The following DAB1 variants were observed in gnomAD, a reference collection of about 807,000 sequenced individuals.
DAB1 encodes the protein DAB adaptor protein 1.
In DAB1, 15 loss-of-function variants were observed where a neutral mutation model predicts 64.6. The observed-to-expected ratio is 0.23, with a 90% CI of 0.16 to 0.36. DAB1 has a LOEUF of 0.36. Among genes scored for constraint, DAB1 ranks in the 10% least tolerant of loss-of-function variants. The probability of loss-of-function intolerance (pLI) is 1.00; values close to 1 mark genes in which losing one functional copy is unlikely to be tolerated. For missense variants in DAB1, 596 were observed against 706.7 expected (o/e 0.84, Z 1.78); for synonymous variants, 235 against 251.9 (o/e 0.93, Z 0.64).
intron 5 of DAB1, among the ~76,000 whole-genome samples, chr1:57,919,871 G>A (rs757675107): frequency 2.6e-5 from 4 of 152,186 alleles, no homozygotes; most frequent in Admixed American, 1.3e-4. Flanking sequence ...ATGTGTGCAC[G>A]TGTGTGTACT....
At chr1:57,706,759 T>C (rs1056560273) in intron 6 of DAB1, among the ~76,000 whole-genome samples, 4 of 152,214 alleles carry the variant, frequency 2.6e-5, no homozygotes, top group African/African-American at 9.6e-5. Context: ...TGTGAATTCA[T>C]GTATTAACCA....
intron 7 of DAB1, among the ~76,000 whole-genome samples, chr1:57,540,631 A>T (rs1017899239): frequency 3.3e-5 from 5 of 152,322 alleles, no homozygotes; most frequent in African/African-American, 1.2e-4. Context: ...AAAGAATAAA[A>T]TCCTGTCATT....
intron 3 of DAB1, among the ~76,000 whole-genome samples, chr1:58,425,460 A>G (rs1031278110): frequency 6.6e-6 from 1 of 152,204 alleles, no homozygotes; most frequent in Non-Finnish European, 1.5e-5. Flanking sequence ...ATTCTGCCGT[A>G]GAGTTTTATG....
chr1:58,274,927 C>T, intron 4 of DAB1, among the ~76,000 whole-genome samples: 1 of 149,736 alleles, frequency 6.7e-6, no homozygotes, highest in Non-Finnish European at 1.5e-5. Context: ...GTGAGAGAAA[C>T]CCGGTACCTC....
At chr1:57,117,474 G>A (rs544811313) in intron 4 of DAB1, among the ~76,000 whole-genome samples, 7 of 152,318 alleles carry the variant, frequency 4.6e-5, no homozygotes, top group Admixed American at 2.0e-4. Context: ...GTGAGCTATG[G>A]AGCCCTCCTA....
intron 3 of DAB1, among the ~76,000 whole-genome samples, chr1:58,423,267 A>C (rs1460494458): frequency 6.6e-6 from 1 of 152,222 alleles, no homozygotes; most frequent in East Asian, 1.9e-4. Context: ...TCCCAGTCTT[A>C]GACCTCCAGA....
At chr1:58,436,609 A>T (rs1384383352) in intron 3 of DAB1, among the ~76,000 whole-genome samples, 1 of 152,240 alleles carries the variant, frequency 6.6e-6, no homozygotes, top group Non-Finnish European at 1.5e-5. Flanking sequence ...TTACAAAAAC[A>T]AGTCGTTAAC....
At chr1:58,346,093 G>C (rs1643994524) in intron 3 of DAB1, among the ~76,000 whole-genome samples, 1 of 152,186 alleles carries the variant, frequency 6.6e-6, no homozygotes, top group Non-Finnish European at 1.5e-5. Context: ...GCACTTACTA[G>C]GTGAAACGGA....
At chr1:57,437,035 CA>C (rs66682648) in intron 7 of DAB1, among the ~76,000 whole-genome samples, 13 of 108,840 alleles carry the variant, frequency 1.2e-4, no homozygotes, top group Admixed American at 2.2e-4. Context: ...GACTCCGTCT[CA>C]AAAAAAAAAA....
intron 2 of DAB1, among the ~76,000 whole-genome samples, chr1:57,225,721 G>A (rs1253734802): frequency 6.6e-6 from 1 of 152,178 alleles, no homozygotes; most frequent in Non-Finnish European, 1.5e-5. Context: ...CTAATTGATA[G>A]TTAATTCAAG....
At chr1:58,349,555 C>G (rs931611868) in intron 3 of DAB1, among the ~76,000 whole-genome samples, 1 of 151,882 alleles carries the variant, frequency 6.6e-6, no homozygotes, top group Non-Finnish European at 1.5e-5. Context: ...GTTTGCTGCA[C>G]CCATAAACCC....
intron 4 of DAB1, among the ~76,000 whole-genome samples, chr1:58,170,111 A>G (rs1340109851): frequency 6.6e-6 from 1 of 152,196 alleles, no homozygotes; most frequent in Non-Finnish European, 1.5e-5. Context: ...CAAGTAAATG[A>G]TAGAATCACA....
At chr1:57,027,973 C>A (rs2100405856) in intron 9 of DAB1, among the ~76,000 whole-genome samples, 1 of 152,302 alleles carries the variant, frequency 6.6e-6, no homozygotes, top group East Asian at 1.9e-4. Context: ...AGAGAGTTTA[C>A]AGACTGGTGG....
At chr1:57,616,498 A>T (rs12411177) in intron 7 of DAB1, among the ~76,000 whole-genome samples, 28,142 of 152,074 alleles carry the variant, frequency 0.19, 2,662 homozygotes, top group South Asian at 0.29. Flanking sequence ...TGAATGAAAG[A>T]CTATTTAACA....
At chr1:58,131,415 A>T (rs1653561547) in intron 5 of DAB1, among the ~76,000 whole-genome samples, 2 of 144,932 alleles carry the variant, frequency 1.4e-5, no homozygotes, top group South Asian at 4.7e-4. Flanking sequence ...GTCCTCCCAT[A>T]GCTCAGAGTA....
chr1:57,213,494 A>T (rs184060804), intron 2 of DAB1, among the ~76,000 whole-genome samples: 3 of 152,092 alleles, frequency 2.0e-5, no homozygotes, highest in African/African-American at 4.8e-5. Flanking sequence ...ATCTAGAAAA[A>T]GAATGATCCA....
chr1:58,373,343 C>A (rs1480843156), intron 3 of DAB1, among the ~76,000 whole-genome samples: 2 of 123,890 alleles, frequency 1.6e-5, no homozygotes, highest in Admixed American at 9.9e-5. Context: ...CCACCACAGT[C>A]CCCAGAGTGT....
At chr1:58,230,978 G>T (rs542528289) in intron 4 of DAB1, among the ~76,000 whole-genome samples, 135 of 152,330 alleles carry the variant, frequency 8.9e-4, no homozygotes, top group Non-Finnish European at 1.6e-3. Context: ...ACTTATTAAT[G>T]AAGCAAGTTG....
intron 2 of DAB1, among the ~76,000 whole-genome samples, chr1:58,523,040 A>C (rs1168615485): frequency 3.9e-5 from 6 of 152,180 alleles, no homozygotes. Flanking sequence ...GAATAATCAG[A>C]ATCCTTCTGC....
Sources: gnomAD v4.1 joint callset for allele counts (sites outside exome capture counted in the v4.1 genomes callset) on GRCh38, gnomAD v4.1.1 for gene constraint, MANE v1.5 for transcripts, NCBI Gene and HGNC (gene_info 2026-07-23, HGNC 2026-07-21) for gene names.